ZMAT3: variants seen among roughly 807,000 people sequenced by gnomAD.
ZMAT3 encodes zinc finger matrin-type 3.
ZMAT3 carries 17 observed loss-of-function variants against 32.3 expected under a neutral mutation model. The observed-to-expected ratio is 0.53, with a 90% confidence interval of 0.36 to 0.79. ZMAT3 has a LOEUF of 0.79. Among genes scored for constraint, ZMAT3 ranks in the 30% least tolerant of loss-of-function variants. ZMAT3 has a pLI of 0.00. For missense variants in ZMAT3, 329 were observed against 359.7 expected (o/e 0.91, Z 0.69); for synonymous variants, 120 against 133.1 (o/e 0.90, Z 0.68).
In ZMAT3 at chr3:179,022,512, TATA is replaced by T. The variant is rs1718599768; in HGVS notation, c.*2502_*2504del. 6.6e-6 allele frequency: 1 copy of T among 151,878 alleles called. No individual in the cohort carries two copies. The highest frequency in any genetic ancestry group is 1.5e-5 in the Non-Finnish European group (1 of 67,976). 9.4% of individuals were successfully genotyped at this position (151,878 alleles called of 1,614,324 possible). ...AATCATAGAACCAAGCGGCCAGCAC[TATA>T]ATGTTAAAATTAACCAAAAAATTAT... is the stretch of plus-strand genomic sequence containing the variant. On this transcript the variant is annotated 3_prime_UTR_variant, in exon 6 of 6. Coordinates refer to ENST00000311417, the MANE Select transcript of ZMAT3 (RefSeq NM_022470.4).
intron 3 of ZMAT3, among the ~76,000 whole-genome samples, chr3:179,030,105 G>A (rs997071893): frequency 6.6e-6 from 1 of 152,206 alleles, no homozygotes; most frequent in Non-Finnish European, 1.5e-5. Context: ...TAAAGCACCT[G>A]TTCTATCTTC....
intron 3 of ZMAT3, among the ~76,000 whole-genome samples, chr3:179,030,354 C>CTT (rs1230618538): frequency 2.7e-4 from 35 of 132,054 alleles, no homozygotes; most frequent in South Asian, 4.9e-4. Flanking sequence ...CCCAGAATTT[C>CTT]TTTTTTTTTT....
At position 179,027,632 on chromosome 3, in the gene ZMAT3, A is replaced by G; in HGVS notation, c.557+14T>C. The stretch of plus-strand genomic sequence containing the variant: ...ACATAACACTTTGGCCTCAGAGAAA[A>G]TGGCAATACCTACGAGAATGAGTTA... On this transcript the variant is annotated intron_variant, in intron 4 of 5. Coordinates refer to ENST00000311417, the MANE Select transcript of ZMAT3 (RefSeq NM_022470.4). 1 of 1,614,018 alleles carries G rather than the reference A, an allele frequency of 6.2e-7. No individual in the cohort carries two copies. The highest frequency in any genetic ancestry group is 2.2e-5 in the East Asian group (1 of 44,884).
intron 2 of ZMAT3, among the ~76,000 whole-genome samples, chr3:179,050,627 T>C (rs1039684328): frequency 1.3e-5 from 2 of 152,140 alleles, no homozygotes; most frequent in African/African-American, 4.8e-5. Flanking sequence ...ATGAAGTCCA[T>C]ATCACCCTAA....
In ZMAT3 at chr3:179,031,524, A is replaced by C. The variant is rs552534941; in HGVS notation, c.271-525T>G. Among the ~76,000 whole-genome samples, 4 of 152,294 alleles carry C rather than the reference A, an allele frequency of 2.6e-5. No individual in the cohort carries two copies. In the East Asian group the frequency reaches 7.7e-4, roughly 29 times the overall value. On this transcript the variant is annotated intron_variant, in intron 2 of 5. Coordinates refer to ENST00000311417, the MANE Select transcript of ZMAT3 (RefSeq NM_022470.4). The stretch of plus-strand genomic sequence containing the variant: ...GCTAGATCTTGAAGTAAAAGAGCCT[A>C]CTCTTTGGCTCTAACAGAACAATTA...
chr3:179,042,840 A>C (rs6795451), intron 2 of ZMAT3, among the ~76,000 whole-genome samples: 92,885 of 151,986 alleles, frequency 0.61, 28,554 homozygotes, highest in East Asian at 0.8. Flanking sequence ...GTCTCAGCCC[A>C]AAATCTCCTT....
At chr3:179,058,597 A>T (rs1047851262) in intron 2 of ZMAT3, among the ~76,000 whole-genome samples, 16 of 152,116 alleles carry the variant, frequency 1.1e-4, no homozygotes, top group African/African-American at 2.4e-4. Flanking sequence ...TCTACTAAAA[A>T]TACAAAAAAT....
chr3:179,037,358 C>T (rs1719654117), intron 2 of ZMAT3, among the ~76,000 whole-genome samples: 1 of 152,234 alleles, frequency 6.6e-6, no homozygotes, highest in African/African-American at 2.4e-5. Flanking sequence ...TCTGCCATTA[C>T]TGACATCTCT....
At chr3:179,042,430 CA>C (rs1402293794) in intron 2 of ZMAT3, among the ~76,000 whole-genome samples, 72 of 152,132 alleles carry the variant, frequency 4.7e-4, no homozygotes, top group Non-Finnish European at 9.4e-4. Context: ...ATACACAAAT[CA>C]AAAAACATAA....
intron 2 of ZMAT3, among the ~76,000 whole-genome samples, chr3:179,056,054 T>C (rs1720825426): frequency 6.6e-6 from 1 of 152,118 alleles, no homozygotes; most frequent in Non-Finnish European, 1.5e-5. Context: ...ATGTCCACTA[T>C]AACACAGGGA....
Position 179,019,263 on chromosome 3 carries a change from A to G in ZMAT3, c.*5754T>C, listed in dbSNP as rs946694605. On this transcript the variant is annotated 3_prime_UTR_variant, in exon 6 of 6. Coordinates refer to ENST00000311417, the MANE Select transcript of ZMAT3 (RefSeq NM_022470.4). ...ACACAAAAAGAGAAACTGGAAGACAAAAGTCCACAGGAGGAAAAAAAAAAA... is the reference window on the plus strand; with the variant it reads ...ACACAAAAAGAGAAACTGGAAGACAGAAGTCCACAGGAGGAAAAAAAAAAA... The G allele has an allele frequency of 6.6e-6, 1 of 152,104 alleles. No individual in the cohort carries two copies. Among genetic ancestry groups the G allele is most frequent in the African/African-American group, 2.4e-5 (1 of 41,442 alleles). 9.4% of individuals were successfully genotyped at this position (152,104 alleles called of 1,614,324 possible).
In ZMAT3 at chr3:179,046,528, TG is replaced by T. The variant is rs1720247063; in HGVS notation, c.271-15530del. On this transcript the variant is annotated intron_variant, in intron 2 of 5. Transcript: ENST00000311417. This position sits in a 1 kb window ranked among gnomAD's most constrained non-coding sequence, Gnocchi z 4.3. ...CACAGGCCCTTTGAAGGAGGCGGATTGCCACTGCAGACTCCGTGGGACAGCT... is the reference window on the plus strand; with the variant it reads ...CACAGGCCCTTTGAAGGAGGCGGATTCCACTGCAGACTCCGTGGGACAGCT... Among the ~76,000 whole-genome samples, 1 of 152,114 alleles carries T rather than the reference TG, an allele frequency of 6.6e-6. No individual in the cohort carries two copies. Among genetic ancestry groups the T allele is most frequent in the Admixed American group, 6.5e-5 (1 of 15,274 alleles).
In ZMAT3 at chr3:179,018,281, C is replaced by A. The variant is rs1015502254; in HGVS notation, c.*6736G>T. The A allele has an allele frequency of 1.3e-5, 2 of 152,052 alleles. No individual in the cohort carries two copies. Among genetic ancestry groups the A allele is most frequent in the Admixed American group, 6.5e-5 (1 of 15,268 alleles). 9.4% of individuals were successfully genotyped at this position (152,052 alleles called of 1,614,324 possible). A position where few individuals can be genotyped will look rare whatever the true frequency, so the allele number is the denominator to read the frequency against. On this transcript the variant is annotated 3_prime_UTR_variant, in exon 6 of 6. Transcript: ENST00000311417. ...AGTGAGGGGGTCACTTAAGCACTTA[C>A]AAAGACTTATAAATGAATCATGAAG...
chr3:179,040,193 C>A (rs1719840035), intron 2 of ZMAT3, among the ~76,000 whole-genome samples: 1 of 152,142 alleles, frequency 6.6e-6, no homozygotes, highest in South Asian at 2.1e-4. Context: ...CCCAACCTAG[C>A]AAGGCAGGCC....
intron 2 of ZMAT3, among the ~76,000 whole-genome samples, chr3:179,033,036 C>T (rs1378301435): frequency 2.6e-5 from 4 of 152,146 alleles, no homozygotes; most frequent in Admixed American, 6.5e-5. Flanking sequence ...GCGGTTTTGT[C>T]GAATAGAAAA....
At chr3:179,039,419 C>T (rs1047741832) in intron 2 of ZMAT3, among the ~76,000 whole-genome samples, 5 of 152,310 alleles carry the variant, frequency 3.3e-5, no homozygotes, top group East Asian at 1.9e-4. Context: ...CTGCAGCCTC[C>T]GCTGGTGATA....
Position 179,067,564 on chromosome 3 carries a change from C to T in ZMAT3, c.189G>A (p.Leu63=). The T allele has an allele frequency of 6.2e-7, 1 of 1,614,214 alleles. No homozygotes were observed. Among genetic ancestry groups the T allele is most frequent in the South Asian group, 1.1e-5 (1 of 91,086 alleles). ...AGTACAGGGGCTTACATAGCTCCTC[C>T]AGGGCACAGTCTTGCTCCCCTCCCT... ...LSKGGEQDCA[L]EELCKPLYCK... is the part of the protein sequence containing the mutation. The change falls in exon 2 of 6, where the codon CTG becomes CTA. Residue 63 remains leucine (L), a synonymous_variant. Coordinates refer to ENST00000311417, the MANE Select transcript of ZMAT3 (RefSeq NM_022470.4).
chr3:179,063,765 T>C (rs987798288), intron 2 of ZMAT3, among the ~76,000 whole-genome samples: 2 of 152,226 alleles, frequency 1.3e-5, no homozygotes, highest in African/African-American at 2.4e-5. Context: ...AATGAAAATA[T>C]GTTTCTCCTC....
At chr3:179,071,936 GC>G (rs1489182870), upstream of ZMAT3, 1 of 152,804 alleles carries the variant, frequency 6.5e-6, no homozygotes, top group East Asian at 1.9e-4. Context: ...CGCATCCCCG[GC>G]GGGCGGCGCG....
Sources: allele counts gnomAD v4.1 joint callset (sites outside exome capture counted in the v4.1 genomes callset), GRCh38; gene constraint gnomAD v4.1.1; non-coding constraint Gnocchi (gnomAD v3.1); transcripts MANE v1.5; gene names NCBI Gene and HGNC (gene_info 2026-07-23, HGNC 2026-07-21).